Variants in NEMF observed in about 807,000 individuals in gnomAD.
NEMF encodes the protein ribosome quality control complex subunit NEMF.
Under a neutral mutation model 162.2 loss-of-function variants are expected in NEMF, and 89 were observed. The ratio of observed to expected loss-of-function variants is 0.55; its 90% confidence interval spans 0.46 to 0.65. The LOEUF (loss-of-function observed/expected upper bound fraction) is 0.65, where lower values mean the gene tolerates loss of function less well. NEMF is among the 30% of genes least tolerant of loss of function. The probability of loss-of-function intolerance (pLI) is 0.00; values close to 1 mark genes in which losing one functional copy is unlikely to be tolerated. For missense variants in NEMF, 1,133 were observed against 1,261.9 expected, an observed-to-expected ratio of 0.90 and a Z score of 1.55; for synonymous variants, 421 against 404.5, an observed-to-expected ratio of 1.04 and a Z score of -0.49.
At chr14:49,826,504 T>G in intron 15 of NEMF, among the ~76,000 whole-genome samples, 1 of 142,112 alleles carries the variant, frequency 7.0e-6, no homozygotes, top group African/African-American at 2.6e-5. Flanking sequence ...ACTAACGGGG[T>G]TATCAGGCAA....
At chr14:49,803,325 A>G (rs1364694617) in intron 19 of NEMF, 31 bp from the exon 20 acceptor site, 1 of 1,441,984 alleles carries the variant, frequency 6.9e-7, no homozygotes, top group Non-Finnish European at 9.6e-7. Context: ...TTATATTCTT[A>G]TTTAAAAAAA....
At chr14:49,820,774 C>T (rs138751888) in intron 16 of NEMF, among the ~76,000 whole-genome samples, 3,338 of 152,170 alleles carry the variant, frequency 0.022, 142 homozygotes, top group African/African-American at 0.076. Context: ...CGTGCCGCCA[C>T]GCCTGACTGG....
chr14:49,798,057 T>C (rs1239220561), intron 25 of NEMF, among the ~76,000 whole-genome samples: 2 of 152,222 alleles, frequency 1.3e-5, no homozygotes, highest in African/African-American at 4.8e-5. Context: ...CTGTTCTAGG[T>C]TGGTTCTGGC....
At chr14:49,813,141 A>G (rs545013095) in intron 18 of NEMF, among the ~76,000 whole-genome samples, 4 of 152,282 alleles carry the variant, frequency 2.6e-5, no homozygotes, top group Admixed American at 2.6e-4. Context: ...TTAAGAATAC[A>G]GGGTGAGCAC....
Position 49,782,733 on chromosome 14 carries a change from GAAGA to G in NEMF, c.*1899_*1902del, listed in dbSNP as rs1308583430. 1.1e-5 allele frequency: 16 copies of G among 1,456,472 alleles called. No homozygotes were observed. The highest frequency in any genetic ancestry group is 1.9e-4 in the Middle Eastern group (1 of 5,148). The allele number at this position is 1,456,472 out of a possible 1,614,324, so 90.2% of individuals were successfully genotyped here. A position where few individuals can be genotyped will look rare whatever the true frequency, so the allele number is the denominator to read the frequency against. ...ATAACCAGTTCCTATGAAAATCTTT[GAAGA>G]AAGAAAGAGGGATGTTTTATGTAGT... On this transcript the variant is annotated 3_prime_UTR_variant, in exon 33 of 33. Coordinates refer to ENST00000298310, the MANE Select transcript of NEMF (RefSeq NM_004713.6).
intron 27 of NEMF, 62 bp from the exon 28 acceptor site, chr14:49,789,405 A>C (rs1264158486): frequency 4.3e-6 from 7 of 1,610,144 alleles, no homozygotes; most frequent in Non-Finnish European, 5.9e-6. Context: ...ATATTTTAAC[A>C]AGAATGTATT....
chr14:49,826,433 A>G (rs548903466), intron 15 of NEMF, among the ~76,000 whole-genome samples: 1 of 152,096 alleles, frequency 6.6e-6, no homozygotes, highest in African/African-American at 2.4e-5. Context: ...CCCGATTTAC[A>G]CTGGGTTATG....
intron 16 of NEMF, among the ~76,000 whole-genome samples, chr14:49,819,206 A>C (rs557612434): frequency 6.6e-6 from 1 of 152,222 alleles, no homozygotes; most frequent in East Asian, 1.9e-4. Flanking sequence ...GACATCCAAT[A>C]TATGGCATGA....
intron 22 of NEMF, 156 bp from the exon 23 acceptor site, chr14:49,800,852 A>G: frequency 1.5e-6 from 1 of 650,458 alleles, no homozygotes. Context: ...CTCTTAGACA[A>G]AAGAATAACC....
chr14:49,832,047 C>T lies in NEMF; in HGVS notation c.882+4G>A. The T allele has an allele frequency of 6.3e-7, 1 of 1,589,496 alleles. No individual in the cohort carries two copies. Among genetic ancestry groups the T allele is most frequent in the South Asian group, 1.2e-5 (1 of 86,680 alleles). ...CTGGTAAAGGAACAGAACGGAAAAC[C>T]CACCTTGTCAAATGATTCAAATTCT... On this transcript the variant is annotated splice_donor_region_variant and intron_variant, in intron 10 of 32. Coordinates refer to ENST00000298310, the MANE Select transcript of NEMF (RefSeq NM_004713.6).
intron 23 of NEMF, 93 bp from the exon 24 acceptor site, chr14:49,799,771 C>T (rs1890872859): frequency 3.1e-5 from 33 of 1,048,770 alleles, no homozygotes; most frequent in Middle Eastern, 2.6e-4. Flanking sequence ...CTCTTAAGTA[C>T]TGGCAATCCA....
At chr14:49,790,940 C>T (rs1890411194) in intron 26 of NEMF, among the ~76,000 whole-genome samples, 1 of 151,960 alleles carries the variant, frequency 6.6e-6, no homozygotes, top group African/African-American at 2.4e-5. Context: ...TTGCGGTGAG[C>T]CGAGATCATG....
chr14:49,808,202 T>G (rs1249984787), intron 18 of NEMF, among the ~76,000 whole-genome samples: 2 of 152,050 alleles, frequency 1.3e-5, no homozygotes, highest in African/African-American at 4.8e-5. Flanking sequence ...GAGACAGAAT[T>G]TCGCTCATTG....
intron 29 of NEMF, chr14:49,785,532 T>A: frequency 2.1e-6 from 1 of 485,308 alleles, no homozygotes; most frequent in Non-Finnish European, 3.7e-6. Flanking sequence ...AATTTTTGCC[T>A]AGCATAATAA....
intron 4 of NEMF, chr14:49,844,737 G>GCAGA (rs1893399783): frequency 6.0e-6 from 1 of 166,740 alleles, no homozygotes. Context: ...GCACGCGCGC[G>GCAGA]CACACACACA....
intron 25 of NEMF, chr14:49,797,400 G>A (rs986172930): frequency 6.6e-6 from 1 of 151,396 alleles, no homozygotes; most frequent in African/African-American, 2.4e-5. Context: ...GGGAGGCCAA[G>A]GCGGGTGGAT....
At chr14:49,815,239 C>A (rs1006668962) in intron 16 of NEMF, among the ~76,000 whole-genome samples, 2 of 152,162 alleles carry the variant, frequency 1.3e-5, no homozygotes, top group Non-Finnish European at 2.9e-5. Flanking sequence ...GTTGTTTTCC[C>A]ACTCTGCTCT....
chr14:49,792,087 G>A (rs1392889526), intron 26 of NEMF, among the ~76,000 whole-genome samples: 1 of 151,606 alleles, frequency 6.6e-6, no homozygotes, highest in Non-Finnish European at 1.5e-5. Context: ...AGGCTGCAGT[G>A]AGCCAAGATT....
chr14:49,842,983 C>T (rs543626597), intron 4 of NEMF, among the ~76,000 whole-genome samples: 19 of 151,168 alleles, frequency 1.3e-4, no homozygotes, highest in African/African-American at 2.7e-4. Context: ...TCCAGCCTGG[C>T]GACAGGGTGA....
Sources: allele counts gnomAD v4.1 joint callset (sites outside exome capture counted in the v4.1 genomes callset), GRCh38; gene constraint gnomAD v4.1.1; transcripts MANE v1.5; gene names NCBI Gene and HGNC (gene_info 2026-07-23, HGNC 2026-07-21).